TYW1: variants seen among roughly 807,000 people sequenced by gnomAD.
TYW1 encodes S-adenosyl-L-methionine-dependent tRNA 4-demethylwyosine synthase TYW1.
Under a neutral mutation model 96.2 loss-of-function variants are expected in TYW1, and 46 were observed. The observed-to-expected ratio is 0.48, with a 90% CI of 0.38 to 0.61. The LOEUF is 0.61. Ranked by LOEUF, TYW1 falls within the 20% of genes least tolerant of loss-of-function variation. TYW1 has a pLI of 0.00. For missense variants in TYW1, 684 were observed against 909.6 expected (o/e 0.75, Z 3.19); for synonymous variants, 274 against 323.0 (o/e 0.85, Z 1.63).
At chr7:67,052,824 C>T (rs56405861) in intron 8 of TYW1, among the ~76,000 whole-genome samples, 22,362 of 152,060 alleles carry the variant, frequency 0.15, 2,016 homozygotes, top group East Asian at 0.46. Context: ...CTCTGCCTCC[C>T]GGGTTCAAGC....
chr7:67,053,149 T>C (rs13309265), intron 8 of TYW1, among the ~76,000 whole-genome samples: 78 of 151,762 alleles, frequency 5.1e-4, no homozygotes, highest in Non-Finnish European at 8.8e-4. Flanking sequence ...CTTTATATCT[T>C]ACTTTTATGG....
chr7:67,184,239 G>A (rs1412481562), intron 14 of TYW1, among the ~76,000 whole-genome samples: 2 of 152,114 alleles, frequency 1.3e-5, no homozygotes, highest in African/African-American at 4.8e-5. Context: ...TCACTTTGCT[G>A]TAGAAAATGG....
In TYW1 at chr7:67,110,253, G is replaced by A. The variant is rs904111362; in HGVS notation, c.1563-7230G>A. Among the ~76,000 whole-genome samples the A allele has an allele frequency of 2.6e-5, 4 of 152,176 alleles. No individual in the cohort carries two copies. The East Asian group carries it at 7.7e-4, about 29-fold the overall frequency. On this transcript the variant is annotated intron_variant, in intron 12 of 15. Transcript: ENST00000359626. ...ATAGGGGACTTTGAAAAGCTCCATC[G>A]TATTCCTGGGAATCTCCAACCCCAC...
chr7:67,154,975 TTTA>T (rs1324267716), intron 13 of TYW1, among the ~76,000 whole-genome samples: 1 of 152,190 alleles, frequency 6.6e-6, no homozygotes, highest in African/African-American at 2.4e-5. Flanking sequence ...TGCTCTTGAT[TTTA>T]TTTTTTATTT....
intron 13 of TYW1, among the ~76,000 whole-genome samples, chr7:67,174,629 T>C (rs1416098081): frequency 6.6e-6 from 1 of 150,622 alleles, no homozygotes; most frequent in Non-Finnish European, 1.5e-5. Flanking sequence ...AACAGAGCAG[T>C]AAATTAAACA....
At chr7:67,030,599 C>G (rs184433905) in intron 7 of TYW1, among the ~76,000 whole-genome samples, 1 of 151,996 alleles carries the variant, frequency 6.6e-6, no homozygotes, top group Admixed American at 6.6e-5. Context: ...ACCATTGTAC[C>G]ATGACTGGCC....
chr7:67,020,998 A>G (rs145623676), intron 6 of TYW1, among the ~76,000 whole-genome samples: 1,896 of 152,268 alleles, frequency 0.012, 9 homozygotes, highest in African/African-American at 0.043. Context: ...ACTGCACTCC[A>G]GCCTGGGTGA....
At chr7:67,208,215 C>T (rs971105313) in intron 15 of TYW1, among the ~76,000 whole-genome samples, 12 of 151,596 alleles carry the variant, frequency 7.9e-5, no homozygotes, top group African/African-American at 2.7e-4. Flanking sequence ...CAACTACTTG[C>T]GAGGCTGAGG....
intron 13 of TYW1, among the ~76,000 whole-genome samples, chr7:67,163,484 C>T (rs1318990914): frequency 2.0e-5 from 3 of 152,066 alleles, no homozygotes; most frequent in African/African-American, 7.2e-5. Context: ...ACCAAGTTGC[C>T]GGGTGGATGT....
At chr7:67,186,390 G>C (rs572893106) in intron 14 of TYW1, among the ~76,000 whole-genome samples, 1 of 150,858 alleles carries the variant, frequency 6.6e-6, no homozygotes, top group South Asian at 2.1e-4. Context: ...ACAGCTACTT[G>C]GTAAACAGTA....
intron 15 of TYW1, among the ~76,000 whole-genome samples, chr7:67,196,580 T>G (rs2690205): frequency 2.0e-5 from 3 of 152,166 alleles, no homozygotes; most frequent in African/African-American, 7.2e-5. Flanking sequence ...CACTTTTTCC[T>G]TATGGAATCT....
At chr7:66,999,048 A>G (rs1793291115) in intron 3 of TYW1, 94 bp downstream of exon 3, 2 of 1,302,796 alleles carry the variant, frequency 1.5e-6, no homozygotes, top group African/African-American at 1.5e-5. Flanking sequence ...GTCCTTTAGC[A>G]GTGAACTGAA....
intron 7 of TYW1, among the ~76,000 whole-genome samples, chr7:67,025,233 A>C (rs544456126): frequency 6.6e-6 from 1 of 152,240 alleles, no homozygotes; most frequent in East Asian, 1.9e-4. Context: ...TCAGAGGATA[A>C]GCAGGAGATT....
At chr7:67,199,647 A>T (rs1346882186) in intron 15 of TYW1, among the ~76,000 whole-genome samples, 3 of 152,136 alleles carry the variant, frequency 2.0e-5, no homozygotes, top group Admixed American at 6.5e-5. Flanking sequence ...ATGTTTATTT[A>T]TCAGTACGGA....
At chr7:67,158,761 G>A (rs1423926790) in intron 13 of TYW1, among the ~76,000 whole-genome samples, 1 of 151,514 alleles carries the variant, frequency 6.6e-6, no homozygotes, top group East Asian at 2.0e-4. Flanking sequence ...TAGAAGAGAC[G>A]GGGGTTTCAC....
At chr7:67,008,188 G>C (rs552142703) in intron 3 of TYW1, among the ~76,000 whole-genome samples, 105 of 152,314 alleles carry the variant, frequency 6.9e-4, no homozygotes, top group African/African-American at 2.3e-3. Flanking sequence ...CAGCTATGGA[G>C]GGGTGGGGGT....
intron 13 of TYW1, among the ~76,000 whole-genome samples, chr7:67,138,657 C>G (rs1406267516): frequency 1.3e-5 from 2 of 152,060 alleles, no homozygotes; most frequent in African/African-American, 4.8e-5. Context: ...GGTAACCATC[C>G]TTCTACTGTC....
At chr7:67,031,108 A>G in intron 7 of TYW1, among the ~76,000 whole-genome samples, 1 of 130,652 alleles carries the variant, frequency 7.7e-6, no homozygotes. Context: ...CAGGAGAATC[A>G]CTTGAACCCG....
At chr7:67,081,640 C>T (rs1211188234) in intron 10 of TYW1, among the ~76,000 whole-genome samples, 8 of 151,604 alleles carry the variant, frequency 5.3e-5, no homozygotes, top group African/African-American at 9.7e-5. Context: ...TTTTTTCCTA[C>T]GCCTCCTGCT....
Sources: allele counts gnomAD v4.1 joint callset (sites outside exome capture counted in the v4.1 genomes callset), GRCh38; gene constraint gnomAD v4.1.1; transcripts MANE v1.5; gene names NCBI Gene and HGNC (gene_info 2026-07-23, HGNC 2026-07-21).